Variants in MED27 observed in about 807,000 individuals in gnomAD.
The protein encoded by MED27 is mediator complex subunit 27, also known as mediator of RNA polymerase II transcription subunit 27.
In MED27, 30 loss-of-function variants were observed where a neutral mutation model predicts 38.2. The ratio of observed to expected loss-of-function variants is 0.79; its 90% CI spans 0.59 to 1.07. MED27 has a LOEUF of 1.07. Among genes scored for constraint, MED27 ranks in the 50% least tolerant of loss-of-function variants. The pLI is 0.00. For synonymous variants in MED27, 122 were observed against 153.5 expected (o/e 0.79, Z 1.52); for missense variants, 289 against 397.5 (o/e 0.73, Z 2.32).
At chr9:131,930,032 C>CAGAGAGAGAGAGAG (rs112511169) in intron 4 of MED27, among the ~76,000 whole-genome samples, 231 of 151,200 alleles carry the variant, frequency 1.5e-3, no homozygotes, top group African/African-American at 5.1e-3. Flanking sequence ...TGGCTTAGCA[C>CAGAGAGAGAGAGAG]AGAGAGAGAG....
At chr9:131,888,464 A>T (rs1437964387) in intron 5 of MED27, among the ~76,000 whole-genome samples, 2 of 152,188 alleles carry the variant, frequency 1.3e-5, no homozygotes, top group Non-Finnish European at 2.9e-5. Context: ...TCACTTGCGC[A>T]GCTCTTCTGG....
Position 131,960,770 on chromosome 9 carries a change from G to C in MED27, c.480-21296C>G, listed in dbSNP as rs1831199496. Among the ~76,000 whole-genome samples the C allele has an allele frequency of 2.0e-5, 3 of 152,268 alleles. No individual in the cohort carries two copies. The Middle Eastern group carries it at 0.01, about 518-fold the overall frequency. ...GTATACAAAGCCTTAACAACAAGGG[G>C]AGAGTGTCTACCACAAAATAAGAGA... is the stretch of plus-strand genomic sequence containing the variant. On this transcript the variant is annotated intron_variant, in intron 3 of 7. Transcript: ENST00000292035.
chr9:131,869,380 C>G, intron 6 of MED27: 1 of 970,576 alleles, frequency 1.0e-6, no homozygotes, highest in Non-Finnish European at 1.2e-6. Flanking sequence ...TTGGAAAAAA[C>G]AGGCCTGGGG....
intron 4 of MED27, among the ~76,000 whole-genome samples, chr9:131,895,807 C>A (rs1829822476): frequency 6.6e-6 from 1 of 151,956 alleles, no homozygotes; most frequent in Non-Finnish European, 1.5e-5. Flanking sequence ...TCTAAGGATG[C>A]CAATAAACCA....
intron 4 of MED27, among the ~76,000 whole-genome samples, 187 bp downstream of exon 4, chr9:131,939,194 T>C (rs1830738541): frequency 6.6e-6 from 1 of 152,212 alleles, no homozygotes. Context: ...TGAAATTTTG[T>C]TCAAAAGCAA....
chr9:131,933,555 A>C (rs1025293199), intron 4 of MED27, among the ~76,000 whole-genome samples: 2 of 152,114 alleles, frequency 1.3e-5, no homozygotes, highest in African/African-American at 2.4e-5. Context: ...CAGAATTGAG[A>C]AATAATGAAA....
intron 2 of MED27, among the ~76,000 whole-genome samples, chr9:132,019,293 A>C (rs1396740801): frequency 6.6e-6 from 1 of 152,216 alleles, no homozygotes; most frequent in Non-Finnish European, 1.5e-5. Flanking sequence ...GCTAACAAGT[A>C]GACTGGCAGA....
rs1589188473 is a variant in MED27, at chr9:131,890,014, G to A, written c.681+3871C>T. Among the ~76,000 whole-genome samples the A allele has an allele frequency of 4.6e-5, 7 of 152,280 alleles. No individual in the cohort carries two copies. In the South Asian group the frequency reaches 1.2e-3, roughly 27 times the overall value. ...CAGGCCCCAAGGGCTCCTTCCAGAC[G>A]CCACATTTCATTTGGGATGTGCCAG... On this transcript the variant is annotated intron_variant, in intron 5 of 7. Coordinates refer to ENST00000292035, the MANE Select transcript of MED27 (RefSeq NM_004269.4).
chr9:131,937,798 C>A lies in MED27; in HGVS notation c.573+1583G>T, dbSNP rs1031862570. Among the ~76,000 whole-genome samples, 3 of 150,970 alleles carry A rather than the reference C, an allele frequency of 2.0e-5. No individual in the cohort carries two copies. In the South Asian group the frequency reaches 6.3e-4, roughly 32 times the overall value. ...TGCTAGGTCTGGGGTATCTTAAAAT[C>A]TGGGCAATTTGTACATTTAACTGAG... On this transcript the variant is annotated intron_variant, in intron 4 of 7. Coordinates refer to ENST00000292035, the MANE Select transcript of MED27 (RefSeq NM_004269.4).
At chr9:131,978,665 A>C (rs957570494) in intron 3 of MED27, among the ~76,000 whole-genome samples, 2 of 152,190 alleles carry the variant, frequency 1.3e-5, no homozygotes, top group African/African-American at 4.8e-5. Flanking sequence ...CTCCATTAAA[A>C]AGTTAAAACA....
chr9:132,002,852 T>C (rs980315162), intron 3 of MED27, among the ~76,000 whole-genome samples: 14 of 146,072 alleles, frequency 9.6e-5, no homozygotes, highest in Admixed American at 8.5e-4. Context: ...GAGGTGGAGG[T>C]TGCAGTGAGC....
chr9:132,001,345 T>A (rs938296058), intron 3 of MED27, among the ~76,000 whole-genome samples: 2 of 152,156 alleles, frequency 1.3e-5, no homozygotes, highest in East Asian at 1.9e-4. Context: ...TAAACAGGTA[T>A]AATTGATTAT....
At chr9:132,070,723 CT>C (rs754237567) in intron 2 of MED27, among the ~76,000 whole-genome samples, 3 of 151,884 alleles carry the variant, frequency 2.0e-5, no homozygotes, top group Non-Finnish European at 4.4e-5. Context: ...TTCTCACCTC[CT>C]CTCCATGGTC....
At position 131,861,829 on chromosome 9, in the gene MED27, G is replaced by T. The variant is rs1375509670; in HGVS notation, c.802-1157C>A. On this transcript the variant is annotated intron_variant, in intron 7 of 7. Coordinates refer to ENST00000292035, the MANE Select transcript of MED27 (RefSeq NM_004269.4). The surrounding 1 kb of genome is among the most constrained non-coding windows in gnomAD (Gnocchi z 4.4). ...GCTCTGACACCCAGGCTGGAGCGCA[G>T]TGGTGCAATCGATCATAGCTCACTG... Among the ~76,000 whole-genome samples, 3 of 151,022 alleles carry T rather than the reference G, an allele frequency of 2.0e-5. No homozygotes were observed. Among genetic ancestry groups the T allele is most frequent in the Non-Finnish European group, 4.4e-5 (3 of 68,010 alleles).
chr9:131,882,273 T>C (rs1270664256), intron 6 of MED27, among the ~76,000 whole-genome samples: 1 of 152,172 alleles, frequency 6.6e-6, no homozygotes, highest in Non-Finnish European at 1.5e-5. Context: ...TAAACACCTC[T>C]AGAGGGTGGT....
At position 132,079,782 on chromosome 9, in the gene MED27, G is replaced by A. The variant is rs373095490; in HGVS notation, c.63C>T (p.Ile21=). 54 of 1,613,970 alleles carry A rather than the reference G, an allele frequency of 3.3e-5. No homozygotes were observed. Among genetic ancestry groups the A allele is most frequent in the South Asian group, 4.4e-5 (4 of 91,086 alleles). ...LEAFSQAISA[I]QALRSSVSRV... is the part of the protein sequence containing the mutation. Reference sequence around the variant, plus strand: ...TGCTCACGCTGGAGCGCAGCGCCTGGATGGCACTAATGGCCTGGGAAAAGG... The same window carrying A: ...TGCTCACGCTGGAGCGCAGCGCCTGAATGGCACTAATGGCCTGGGAAAAGG... The change falls in exon 1 of 8, where the codon ATC becomes ATT. Residue 21 remains isoleucine, a synonymous_variant. Transcript: ENST00000292035.
chr9:132,038,766 G>C (rs899952844), intron 2 of MED27, among the ~76,000 whole-genome samples: 2 of 152,218 alleles, frequency 1.3e-5, no homozygotes, highest in African/African-American at 4.8e-5. Context: ...GTGGAGATGG[G>C]AGTGTGCCTG....
chr9:132,053,698 C>T (rs1457234442), intron 2 of MED27, among the ~76,000 whole-genome samples: 1 of 152,080 alleles, frequency 6.6e-6, no homozygotes, highest in Non-Finnish European at 1.5e-5. Context: ...TAACTCTGGG[C>T]CACACTCCCC....
At chr9:132,055,000 G>T (rs1402916183) in intron 2 of MED27, among the ~76,000 whole-genome samples, 1 of 152,042 alleles carries the variant, frequency 6.6e-6, no homozygotes, top group Non-Finnish European at 1.5e-5. Context: ...CTCTCAGAAG[G>T]GCGCTTTCTT....
Sources: gnomAD v4.1 joint callset for allele counts (sites outside exome capture counted in the v4.1 genomes callset) on GRCh38, gnomAD v4.1.1 for gene constraint, Gnocchi (gnomAD v3.1) non-coding constraint, MANE v1.5 for transcripts, NCBI Gene and HGNC (gene_info 2026-07-23, HGNC 2026-07-21) for gene names.